The following KHDRBS3 variants were observed in gnomAD, a reference collection of about 807,000 sequenced individuals.
The protein encoded by KHDRBS3 is KH domain-containing, RNA-binding, signal transduction-associated protein 3.
Under a neutral mutation model 45.6 loss-of-function variants are expected in KHDRBS3, and 23 were observed. The ratio of observed to expected loss-of-function variants is 0.50; its 90% confidence interval spans 0.36 to 0.72. KHDRBS3 has a LOEUF of 0.72. Ranked by LOEUF, KHDRBS3 falls within the 30% of genes least tolerant of loss-of-function variation. The pLI, the probability that KHDRBS3 is intolerant of heterozygous loss-of-function variation, is 0.00. For synonymous variants in KHDRBS3, 162 were observed against 156.5 expected (o/e 1.04, Z -0.26); for missense variants, 352 against 424.8 (o/e 0.83, Z 1.51).
intron 4 of KHDRBS3, among the ~76,000 whole-genome samples, chr8:135,654,915 C>G (rs1831501587): frequency 6.6e-6 from 1 of 152,232 alleles, no homozygotes; most frequent in African/African-American, 2.4e-5. Flanking sequence ...TTATCTCTCT[C>G]AGCCAAAAGA....
At chr8:135,518,363 C>A (rs939219209) in intron 1 of KHDRBS3, among the ~76,000 whole-genome samples, 18 of 151,894 alleles carry the variant, frequency 1.2e-4, no homozygotes, top group Non-Finnish European at 2.9e-5. Context: ...TTAGTAGAGA[C>A]GGGGGTTTCA....
intron 1 of KHDRBS3, among the ~76,000 whole-genome samples, chr8:135,506,404 C>CTTTTT (rs35050617): frequency 7.2e-6 from 1 of 139,794 alleles, no homozygotes; most frequent in African/African-American, 2.6e-5. Context: ...TAACATTCCT[C>CTTTTT]TTTTTTTTTT....
At chr8:135,642,354 T>TA (rs1375494736) in intron 7 of KHDRBS3, among the ~76,000 whole-genome samples, 1 of 152,242 alleles carries the variant, frequency 6.6e-6, no homozygotes, top group African/African-American at 2.4e-5. Context: ...GCCTCGTCTA[T>TA]AAAAGCATAG....
At chr8:135,601,176 A>G (rs1311494712) in intron 6 of KHDRBS3, among the ~76,000 whole-genome samples, 1 of 152,234 alleles carries the variant, frequency 6.6e-6, no homozygotes, top group Non-Finnish European at 1.5e-5. Context: ...CTCTAGAGGC[A>G]TTCAGTCCAG....
chr8:135,582,632 A>G (rs1828271260), intron 6 of KHDRBS3, among the ~76,000 whole-genome samples: 1 of 152,232 alleles, frequency 6.6e-6, no homozygotes, highest in Non-Finnish European at 1.5e-5. Context: ...AATAACCGTG[A>G]AAGTTGAGGG....
At chr8:135,642,780 G>C (rs1352979770) in intron 7 of KHDRBS3, among the ~76,000 whole-genome samples, 2 of 151,290 alleles carry the variant, frequency 1.3e-5, no homozygotes, top group Non-Finnish European at 2.9e-5. Flanking sequence ...GGAATATTCC[G>C]GTCCAGGCAT....
intron 1 of KHDRBS3, chr8:135,458,608 C>G (rs1009802381): frequency 3.0e-6 from 1 of 330,426 alleles, no homozygotes; most frequent in African/African-American, 2.2e-5. Flanking sequence ...ATGGGCAGCC[C>G]ATGCCAAGCC....
At chr8:135,511,718 G>A (rs1224869962) in intron 1 of KHDRBS3, among the ~76,000 whole-genome samples, 1 of 152,036 alleles carries the variant, frequency 6.6e-6, no homozygotes, top group Non-Finnish European at 1.5e-5. Context: ...ACCACGCCAG[G>A]CTAATTTTTT....
intron 6 of KHDRBS3, among the ~76,000 whole-genome samples, chr8:135,583,956 G>T (rs1375340430): frequency 6.6e-6 from 1 of 152,178 alleles, no homozygotes; most frequent in Admixed American, 6.5e-5. Flanking sequence ...TTTTGTAAAT[G>T]ATAGGAAAGG....
chr8:135,590,547 ACT>A (rs1175290696), intron 6 of KHDRBS3, among the ~76,000 whole-genome samples: 1 of 152,122 alleles, frequency 6.6e-6, no homozygotes, highest in African/African-American at 2.4e-5. Context: ...TTTGGTTTCC[ACT>A]CTCACCCTAA....
At chr8:135,585,549 A>G (rs1828431229) in intron 6 of KHDRBS3, among the ~76,000 whole-genome samples, 1 of 152,050 alleles carries the variant, frequency 6.6e-6, no homozygotes, top group Non-Finnish European at 1.5e-5. Context: ...GTAGGTCTTT[A>G]GTAAATATTT....
In KHDRBS3 at chr8:135,542,782, T is replaced by C; in HGVS notation, c.324+12T>C. On this transcript the variant is annotated intron_variant, in intron 3 of 8. Coordinates refer to ENST00000355849, the MANE Select transcript of KHDRBS3 (RefSeq NM_006558.3). ...GAGACAAGGCCAAGGTAATATTAAT[T>C]ATAGAAAACGGCTAAGTTGTGTATC... 6.5e-7 allele frequency: 1 copy of C among 1,532,242 alleles called. No individual in the cohort carries two copies. Among genetic ancestry groups the C allele is most frequent in the Non-Finnish European group, 9.0e-7 (1 of 1,107,114 alleles). 94.9% of individuals were successfully genotyped at this position (1,532,242 alleles called of 1,614,324 possible). A position where few individuals can be genotyped will look rare whatever the true frequency, so the allele number is the denominator to read the frequency against.
intron 1 of KHDRBS3, among the ~76,000 whole-genome samples, chr8:135,508,057 G>T (rs1207401230): frequency 1.3e-5 from 2 of 152,132 alleles, no homozygotes; most frequent in Non-Finnish European, 2.9e-5. Flanking sequence ...ATGATTTAAT[G>T]TCTTAAGTTT....
intron 1 of KHDRBS3, among the ~76,000 whole-genome samples, chr8:135,482,549 C>T (rs1346986407): frequency 1.3e-5 from 2 of 152,146 alleles, no homozygotes; most frequent in Non-Finnish European, 2.9e-5. Flanking sequence ...TCTGCAGACC[C>T]AAATGTACCT....
downstream of KHDRBS3, among the ~76,000 whole-genome samples, chr8:135,649,036 T>G (rs1375217404): frequency 6.6e-6 from 1 of 152,188 alleles, no homozygotes; most frequent in African/African-American, 2.4e-5. Flanking sequence ...CTTAGTCTTA[T>G]GGAAACATGG....
chr8:135,466,997 T>C (rs770693946), intron 1 of KHDRBS3, among the ~76,000 whole-genome samples: 1 of 152,194 alleles, frequency 6.6e-6, no homozygotes, highest in Non-Finnish European at 1.5e-5. Context: ...AATTGGATTG[T>C]TTGTAACAGA....
At chr8:135,458,986 G>T in intron 1 of KHDRBS3, 1 of 456,152 alleles carries the variant, frequency 2.2e-6, no homozygotes, top group South Asian at 1.5e-5. Context: ...GATGGGTGTG[G>T]GTGCCACTGG....
At chr8:135,599,644 G>C (rs926643191) in intron 6 of KHDRBS3, among the ~76,000 whole-genome samples, 1 of 152,188 alleles carries the variant, frequency 6.6e-6, no homozygotes, top group African/African-American at 2.4e-5. Flanking sequence ...GGGAATACAA[G>C]AGAAAGGGCC....
intron 2 of KHDRBS3, chr8:135,538,627 T>A (rs1825893035): frequency 6.6e-6 from 1 of 152,208 alleles, no homozygotes; most frequent in South Asian, 2.1e-4. Flanking sequence ...GTAATGACTT[T>A]TATAAGCCAC....
Sources: allele counts gnomAD v4.1 joint callset (sites outside exome capture counted in the v4.1 genomes callset), GRCh38; gene constraint gnomAD v4.1.1; transcripts MANE v1.5; gene names NCBI Gene and HGNC (gene_info 2026-07-23, HGNC 2026-07-21).